The following EGFR variants were observed in gnomAD, a reference collection of about 807,000 sequenced individuals.
The protein encoded by EGFR is epidermal growth factor receptor, also known as avian erythroblastic leukemia viral (v-erb-b) oncogene homolog.
Under a neutral mutation model 143.0 loss-of-function variants are expected in EGFR, and 58 were observed. The observed-to-expected ratio is 0.41, with a 90% confidence interval of 0.33 to 0.50. The LOEUF (loss-of-function observed/expected upper bound fraction) is 0.50. Among genes scored for constraint, EGFR ranks in the 20% least tolerant of loss-of-function variants. EGFR has a pLI of 0.39. For synonymous variants in EGFR, 613 were observed against 594.4 expected, an observed-to-expected ratio of 1.03 and a Z score of -0.45; for missense variants, 1,307 against 1,579.0, an observed-to-expected ratio of 0.83 and a Z score of 2.92.
chr7:55,082,947 G>T (rs546117019), intron 1 of EGFR, among the ~76,000 whole-genome samples: 1 of 152,098 alleles, frequency 6.6e-6, no homozygotes, highest in South Asian at 2.1e-4. Flanking sequence ...GCAAAACTCC[G>T]ATCTCCACCT....
intron 1 of EGFR, among the ~76,000 whole-genome samples, chr7:55,059,602 TC>T (rs1198175724): frequency 1.3e-5 from 2 of 151,858 alleles, no homozygotes; most frequent in Admixed American, 1.3e-4. Flanking sequence ...GCCCTACAAG[TC>T]CCCTCCTTCC....
intron 1 of EGFR, among the ~76,000 whole-genome samples, chr7:55,027,749 G>A (rs557193370): frequency 4.6e-5 from 7 of 152,070 alleles, no homozygotes; most frequent in South Asian, 2.1e-4. Context: ...TTCTAGACAC[G>A]ATAAATACAT....
chr7:55,170,275 A>G (rs1373479306), intron 15 of EGFR: 5 of 1,613,876 alleles, frequency 3.1e-6, no homozygotes, highest in African/African-American at 2.7e-5. Context: ...GGCCTCTCAC[A>G]TATTGAAATG....
intron 1 of EGFR, among the ~76,000 whole-genome samples, chr7:55,126,191 CA>C (rs888037638): frequency 2.6e-5 from 4 of 152,208 alleles, no homozygotes; most frequent in Admixed American, 6.5e-5. Flanking sequence ...GGCATAATCA[CA>C]GTTGTGATGT....
At chr7:55,031,903 T>C (rs1787270976) in intron 1 of EGFR, among the ~76,000 whole-genome samples, 1 of 152,180 alleles carries the variant, frequency 6.6e-6, no homozygotes, top group African/African-American at 2.4e-5. Context: ...CTCTTTTTCC[T>C]CCCACACTTG....
At position 55,019,302 on chromosome 7, in the gene EGFR, G is replaced by A. The variant is rs2128853368; in HGVS notation, c.25G>A (p.Ala9Thr). MRPSGTAG[A>T]ALLALLAALC... ...GATGCGACCCTCCGGGACGGCCGGG[G>A]CAGCGCTCCTGGCGCTGCTGGCTGC... is the stretch of plus-strand genomic sequence containing the variant. The change falls in exon 1 of 28, where the codon GCA becomes ACA. Residue 9 changes from alanine to threonine, a missense_variant. Coordinates refer to ENST00000275493, the MANE Select transcript of EGFR (RefSeq NM_005228.5). 1 of 1,516,624 alleles carries A rather than the reference G, an allele frequency of 6.6e-7. No homozygotes were observed. The highest frequency in any genetic ancestry group is 8.9e-7 in the Non-Finnish European group (1 of 1,128,098). 93.9% of individuals were successfully genotyped at this position (1,516,624 alleles called of 1,614,324 possible).
intron 19 of EGFR, among the ~76,000 whole-genome samples, chr7:55,177,978 T>G (rs1172732390): frequency 6.6e-6 from 1 of 152,166 alleles, no homozygotes; most frequent in African/African-American, 2.4e-5. Context: ...GGGGAGGAAG[T>G]GATGGCCCAG....
At chr7:55,066,853 G>C (rs1292091840) in intron 1 of EGFR, among the ~76,000 whole-genome samples, 1 of 152,208 alleles carries the variant, frequency 6.6e-6, no homozygotes, top group Non-Finnish European at 1.5e-5. Flanking sequence ...GCTTGACAAT[G>C]ATACAGCTAC....
At chr7:55,108,346 G>C (rs894529411) in intron 1 of EGFR, among the ~76,000 whole-genome samples, 16 of 152,256 alleles carry the variant, frequency 1.1e-4, no homozygotes, top group African/African-American at 2.9e-4. Context: ...GCTGCCCTGG[G>C]TGCCGGTGTG....
At chr7:55,063,535 A>G (rs759307444) in intron 1 of EGFR, among the ~76,000 whole-genome samples, 3 of 152,156 alleles carry the variant, frequency 2.0e-5, no homozygotes, top group Non-Finnish European at 2.9e-5. Context: ...CACTCATGGA[A>G]AAAGTTCTCT....
At chr7:55,177,192 G>A (rs1200715261) in intron 19 of EGFR, among the ~76,000 whole-genome samples, 1 of 152,092 alleles carries the variant, frequency 6.6e-6, no homozygotes, top group African/African-American at 2.4e-5. Context: ...TTGTCCTGCA[G>A]CTCAGGCTGC....
chr7:55,148,383 G>C (rs958224231), intron 4 of EGFR, among the ~76,000 whole-genome samples: 1 of 152,024 alleles, frequency 6.6e-6, no homozygotes, highest in African/African-American at 2.4e-5. Context: ...CTGTGGGAAA[G>C]ACCCACAGAG....
intron 15 of EGFR, chr7:55,170,243 A>G: frequency 2.5e-6 from 4 of 1,612,994 alleles, no homozygotes; most frequent in Non-Finnish European, 3.4e-6. Flanking sequence ...ATCAGATTAT[A>G]GTGTTACACC....
intron 26 of EGFR, 52 bp downstream of exon 26, chr7:55,201,834 T>G: frequency 2.5e-6 from 4 of 1,580,158 alleles, no homozygotes; most frequent in Non-Finnish European, 3.5e-6. Flanking sequence ...ACTATGGCTC[T>G]ATTTTACATG....
At chr7:55,033,424 C>T (rs1013961530) in intron 1 of EGFR, among the ~76,000 whole-genome samples, 21 of 152,112 alleles carry the variant, frequency 1.4e-4, no homozygotes, top group African/African-American at 5.1e-4. Flanking sequence ...AACTCAGGGC[C>T]CCCTGGGGAC....
At chr7:55,033,289 C>T (rs961035936) in intron 1 of EGFR, among the ~76,000 whole-genome samples, 2 of 152,104 alleles carry the variant, frequency 1.3e-5, no homozygotes, top group Non-Finnish European at 2.9e-5. Flanking sequence ...TTAAGACCTG[C>T]CTTGTGGTGT....
intron 1 of EGFR, among the ~76,000 whole-genome samples, chr7:55,056,895 C>T (rs764482228): frequency 9.2e-5 from 14 of 152,192 alleles, no homozygotes; most frequent in Admixed American, 6.5e-5. Flanking sequence ...GCAGCTCAGA[C>T]GGTGTGTGCA....
At chr7:55,161,369 G>A (rs1785690508) in intron 12 of EGFR, 130 bp from the exon 13 acceptor site, 1 of 1,287,396 alleles carries the variant, frequency 7.8e-7, no homozygotes, top group African/African-American at 1.5e-5. Context: ...TCCTCCTTCA[G>A]GGGTAGCCAG....
intron 15 of EGFR, chr7:55,168,736 C>A (rs1200817708): frequency 4.7e-6 from 3 of 638,564 alleles, no homozygotes; most frequent in Non-Finnish European, 7.6e-6. Flanking sequence ...CTTGTTATTG[C>A]CACCTGTGTC....
Sources: gnomAD v4.1 joint callset for allele counts (sites outside exome capture counted in the v4.1 genomes callset) on GRCh38, gnomAD v4.1.1 for gene constraint, MANE v1.5 for transcripts, NCBI Gene and HGNC (gene_info 2026-07-23, HGNC 2026-07-21) for gene names.